MGAT4A: variants seen among roughly 807,000 people sequenced by gnomAD.
The protein encoded by MGAT4A is N-acetylglucosaminyltransferase IVa.
MGAT4A carries 33 observed loss-of-function variants against 74.1 expected under a neutral mutation model. The observed-to-expected ratio is 0.45, with a 90% CI of 0.34 to 0.60. The LOEUF (loss-of-function observed/expected upper bound fraction) is 0.60. MGAT4A is among the 20% of genes least tolerant of loss of function. The pLI is 0.02. For synonymous variants in MGAT4A, 198 were observed against 210.4 expected, an observed-to-expected ratio of 0.94 and a Z score of 0.51; for missense variants, 479 against 628.3, an observed-to-expected ratio of 0.76 and a Z score of 2.54.
Position 98,624,093 on chromosome 2 carries a change from A to G in MGAT4A, c.*1473T>C, listed in dbSNP as rs1701104599. ...AGTGGTGCGATCTCAGCTCACTGCC[A>G]GCTCTGCCTCCTGGGTTCACGCCAT... is the stretch of plus-strand genomic sequence containing the variant. On this transcript the variant is annotated 3_prime_UTR_variant, in exon 16 of 16. Transcript: ENST00000393487. 5 of 886,210 alleles carry G rather than the reference A, an allele frequency of 5.6e-6. No homozygotes were observed. The highest frequency in any genetic ancestry group is 6.8e-6 in the Non-Finnish European group (5 of 740,162). The allele number at this position is 886,210 out of a possible 1,614,324, so 54.9% of individuals were successfully genotyped here.
chr2:98,729,048 T>C (rs2104342629), intron 1 of MGAT4A, among the ~76,000 whole-genome samples: 1 of 152,256 alleles, frequency 6.6e-6, no homozygotes, highest in African/African-American at 2.4e-5. Flanking sequence ...GTTAAGGATA[T>C]TTTAAAAGTT....
intron 9 of MGAT4A, among the ~76,000 whole-genome samples, 197 bp from the exon 10 acceptor site, chr2:98,644,250 G>A (rs1701453812): frequency 6.6e-6 from 1 of 151,994 alleles, no homozygotes; most frequent in Non-Finnish European, 1.5e-5. Flanking sequence ...CTGTCACCTG[G>A]GTGTAAACAG....
intron 2 of MGAT4A, among the ~76,000 whole-genome samples, chr2:98,701,040 C>G (rs1214263915): frequency 6.6e-6 from 1 of 152,182 alleles, no homozygotes; most frequent in Admixed American, 6.5e-5. Context: ...GAGTTCTCAT[C>G]TGCTTCTGCT....
rs138373229 is a variant in MGAT4A at position 98,629,661 on chromosome 2, T to A, written c.1469-3826A>T. Among the ~76,000 whole-genome samples the A allele has an allele frequency of 2.1e-4, 32 of 152,304 alleles. No homozygotes were observed. In the East Asian group the frequency reaches 5.8e-3, roughly 28 times the overall value. On this transcript the variant is annotated intron_variant, in intron 14 of 15. Transcript: ENST00000393487. ...CGCAAAAGATTGCAAACAACCTAAG[T>A]ATCCATCACTAGGAGCCTGGCCAAA... is the stretch of plus-strand genomic sequence containing the variant.
At chr2:98,663,582 C>A (rs1486648554) in intron 4 of MGAT4A, 1 of 728,868 alleles carries the variant, frequency 1.4e-6, no homozygotes. Flanking sequence ...TTGTTCTTGC[C>A]AACAATGCAT....
intron 14 of MGAT4A, among the ~76,000 whole-genome samples, chr2:98,634,007 G>A (rs1024803417): frequency 2.6e-5 from 4 of 152,094 alleles, no homozygotes; most frequent in African/African-American, 9.7e-5. Context: ...TTCTAGAAAG[G>A]GCTTAAAAAT....
At chr2:98,627,487 C>CA (rs1452069407) in intron 14 of MGAT4A, among the ~76,000 whole-genome samples, 1 of 152,080 alleles carries the variant, frequency 6.6e-6, no homozygotes, top group East Asian at 1.9e-4. Context: ...ATGATCCTCC[C>CA]ACCTCAGCCT....
intron 2 of MGAT4A, among the ~76,000 whole-genome samples, chr2:98,693,926 T>C (rs1489810759): frequency 6.6e-6 from 1 of 152,072 alleles, no homozygotes; most frequent in Non-Finnish European, 1.5e-5. Context: ...GAAAAAAAAT[T>C]AAAACACTGA....
intron 2 of MGAT4A, among the ~76,000 whole-genome samples, chr2:98,704,350 C>G (rs13397574): frequency 0.049 from 7,439 of 152,184 alleles, 461 homozygotes; most frequent in African/African-American, 0.13. Context: ...AGTTTGAGAC[C>G]AGTCTGAGCA....
At chr2:98,647,636 T>C (rs1575249149) in intron 8 of MGAT4A, among the ~76,000 whole-genome samples, 2 of 152,302 alleles carry the variant, frequency 1.3e-5, no homozygotes, top group African/African-American at 4.8e-5. Flanking sequence ...CGCTTTCTTA[T>C]GCGCTACCGT....
Position 98,625,473 on chromosome 2 carries a change from G to C in MGAT4A, c.*93C>G. 6.4e-7 allele frequency: 1 copy of C among 1,564,582 alleles called. No individual in the cohort carries two copies. The highest frequency in any genetic ancestry group is 8.6e-7 in the Non-Finnish European group (1 of 1,161,282). ...CTTATCTACAGTAGACTTCACAAGA[G>C]GTAGTGTTCAAGTAGAAATAAAAAA... is the stretch of plus-strand genomic sequence containing the variant. On this transcript the variant is annotated 3_prime_UTR_variant, in exon 16 of 16. Transcript: ENST00000393487.
At position 98,623,087 on chromosome 2, in the gene MGAT4A, GC is replaced by G; in HGVS notation, c.*2478del. 1 of 985,506 alleles carries G rather than the reference GC, an allele frequency of 1.0e-6. No homozygotes were observed. The allele number at this position is 985,506 out of a possible 1,614,324, so 61.0% of individuals were successfully genotyped here. A position where few individuals can be genotyped will look rare whatever the true frequency, so the allele number is the denominator to read the frequency against. ...GGAATAATTGGTCTCACATCCAGAT[GC>G]TGACTGGCCACCTGCCACGTGCCTG... On this transcript the variant is annotated 3_prime_UTR_variant, in exon 16 of 16. Transcript: ENST00000393487.
At chr2:98,640,477 G>C (rs1701390490) in intron 10 of MGAT4A, among the ~76,000 whole-genome samples, 1 of 152,012 alleles carries the variant, frequency 6.6e-6, no homozygotes, top group South Asian at 2.1e-4. Flanking sequence ...AGGTGTGCAA[G>C]CCTATAATCC....
chr2:98,625,383 A>G lies in MGAT4A; in HGVS notation c.*183T>C. On this transcript the variant is annotated 3_prime_UTR_variant, in exon 16 of 16. Transcript: ENST00000393487. ...TTGAGTCAAGTTAAAATCTGAGGACAGCTTAGTTTCAAACAAATACAATTA... is the reference window on the plus strand; with the variant it reads ...TTGAGTCAAGTTAAAATCTGAGGACGGCTTAGTTTCAAACAAATACAATTA... 1 of 1,412,134 alleles carries G rather than the reference A, an allele frequency of 7.1e-7. No individual in the cohort carries two copies. The highest frequency in any genetic ancestry group is 9.2e-7 in the Non-Finnish European group (1 of 1,083,736). 87.5% of individuals were successfully genotyped at this position (1,412,134 alleles called of 1,614,324 possible). A position where few individuals can be genotyped will look rare whatever the true frequency, so the allele number is the denominator to read the frequency against.
At chr2:98,649,067 C>A (rs529099264) in intron 8 of MGAT4A, among the ~76,000 whole-genome samples, 6 of 152,068 alleles carry the variant, frequency 3.9e-5, no homozygotes, top group African/African-American at 1.2e-4. Flanking sequence ...AATTTGACTT[C>A]GAAAGAACTG....
chr2:98,667,365 A>T (rs150051886), intron 4 of MGAT4A, among the ~76,000 whole-genome samples: 1 of 152,206 alleles, frequency 6.6e-6, no homozygotes, highest in African/African-American at 2.4e-5. Flanking sequence ...AGGCTGGAAC[A>T]GTTTGGAGGG....
intron 4 of MGAT4A, among the ~76,000 whole-genome samples, chr2:98,671,311 C>A (rs1701908278): frequency 6.6e-6 from 1 of 152,334 alleles, no homozygotes; most frequent in East Asian, 1.9e-4. Context: ...CTTCCCACAT[C>A]CTCAACCATT....
intron 2 of MGAT4A, among the ~76,000 whole-genome samples, chr2:98,714,208 C>T (rs1173108786): frequency 1.3e-5 from 2 of 152,156 alleles, no homozygotes; most frequent in African/African-American, 4.8e-5. Flanking sequence ...GTGTCTCAGA[C>T]TCCCAAACAG....
rs1430356920 is a variant in MGAT4A, at chr2:98,622,576, C to A, written c.*2990G>T. 2 of 985,354 alleles carry A rather than the reference C, an allele frequency of 2.0e-6. No homozygotes were observed. The highest frequency in any genetic ancestry group is 1.7e-5 in the African/African-American group (1 of 57,234). 61.0% of individuals were successfully genotyped at this position (985,354 alleles called of 1,614,324 possible). On this transcript the variant is annotated 3_prime_UTR_variant, in exon 16 of 16. Coordinates refer to ENST00000393487, the MANE Select transcript of MGAT4A (RefSeq NM_012214.3). Reference sequence around the variant, plus strand: ...CCTCCCTTAATCTTCTGCCCTCACACTGCTCTTAAGGGCGACCACTACAAT... The same window carrying A: ...CCTCCCTTAATCTTCTGCCCTCACAATGCTCTTAAGGGCGACCACTACAAT...
Sources: allele counts gnomAD v4.1 joint callset (sites outside exome capture counted in the v4.1 genomes callset), GRCh38; gene constraint gnomAD v4.1.1; transcripts MANE v1.5; gene names NCBI Gene and HGNC (gene_info 2026-07-23, HGNC 2026-07-21).